PROSER2: variants seen among roughly 807,000 people sequenced by gnomAD.
PROSER2 encodes the protein proline and serine-rich protein 2.
Under a neutral mutation model 14.6 loss-of-function variants are expected in PROSER2, and 18 were observed. The ratio of observed to expected loss-of-function variants is 1.23; its 90% CI spans 0.85 to 1.83. The LOEUF is 1.83. PROSER2 is among the 40% of genes most tolerant of loss of function. The pLI is 0.00. For missense variants in PROSER2, 823 were observed against 629.8 expected, an observed-to-expected ratio of 1.31 and a Z score of -3.28; for synonymous variants, 367 against 286.4, an observed-to-expected ratio of 1.28 and a Z score of -2.84.
rs1206641225 is a variant in PROSER2, at chr10:11,862,039, G to C, written c.139-4492G>C. ...ACAGACTGACAGGCCCAGCGCCTGA[G>C]AGTTTCTAATGCGGCAGGTCTGGGA... On this transcript the variant is annotated intron_variant, in intron 2 of 3. Coordinates refer to ENST00000277570, the MANE Select transcript of PROSER2 (RefSeq NM_153256.4). This position sits in a 1 kb window ranked among gnomAD's most constrained non-coding sequence, Gnocchi z 4.2. Among the ~76,000 whole-genome samples the C allele has an allele frequency of 6.6e-6, 1 of 152,222 alleles. No individual in the cohort carries two copies. The highest frequency in any genetic ancestry group is 1.5e-5 in the Non-Finnish European group (1 of 68,038).
At chr10:11,829,278 A>C (rs1253692185) in intron 1 of PROSER2, among the ~76,000 whole-genome samples, 1 of 151,712 alleles carries the variant, frequency 6.6e-6, no homozygotes, top group Non-Finnish European at 1.5e-5. Flanking sequence ...TAGGTTCAAA[A>C]AAAAGTTTTT....
rs185980025 is a variant in PROSER2, at chr10:11,849,359, C to A, written c.-81-2638C>A. 1.2e-4 allele frequency among the ~76,000 whole-genome samples: 19 copies of A among 152,306 alleles called. No individual in the cohort carries two copies. In the East Asian group the frequency reaches 3.7e-3, roughly 29 times the overall value. ...TTGTGGAACTCCTTAAAAACACGCACACTCCCAGCCTTTACCCCCATAAAT... is the reference window on the plus strand; with the variant it reads ...TTGTGGAACTCCTTAAAAACACGCAAACTCCCAGCCTTTACCCCCATAAAT... On this transcript the variant is annotated intron_variant, in intron 1 of 3. Coordinates refer to ENST00000277570, the MANE Select transcript of PROSER2 (RefSeq NM_153256.4).
chr10:11,855,816 A>G (rs1014671821), intron 2 of PROSER2, among the ~76,000 whole-genome samples: 19 of 152,224 alleles, frequency 1.2e-4, no homozygotes, highest in African/African-American at 4.6e-4. Context: ...TTAAAGTTAA[A>G]ATAGCCACTT....
chr10:11,823,950 C>T lies in PROSER2; in HGVS notation c.-82+480C>T, dbSNP rs1762586697. On this transcript the variant is annotated intron_variant, in intron 1 of 3. Transcript: ENST00000277570. This position sits in a 1 kb window ranked among gnomAD's most constrained non-coding sequence, Gnocchi z 6.2. Reference sequence around the variant, plus strand: ...CGGGCCCCCAGGTCCTGGAATCACGCGGGGATGTGCAGGGTCTGCCCAGCC... The same window carrying T: ...CGGGCCCCCAGGTCCTGGAATCACGTGGGGATGTGCAGGGTCTGCCCAGCC... 6.6e-6 allele frequency among the ~76,000 whole-genome samples: 1 copy of T among 152,096 alleles called. No individual in the cohort carries two copies. Among genetic ancestry groups the T allele is most frequent in the Non-Finnish European group, 1.5e-5 (1 of 67,996 alleles).
chr10:11,828,574 G>A (rs1398243864), intron 1 of PROSER2, among the ~76,000 whole-genome samples: 2 of 152,050 alleles, frequency 1.3e-5, no homozygotes, highest in Non-Finnish European at 1.5e-5. Context: ...ATGGTGGTGT[G>A]TGCCTGTAAT....
In PROSER2 at chr10:11,869,698, G is replaced by C; in HGVS notation, c.600G>C (p.Lys200Asn). 6.3e-7 allele frequency: 1 copy of C among 1,597,618 alleles called. No individual in the cohort carries two copies. Among genetic ancestry groups the C allele is most frequent in the African/African-American group, 1.3e-5 (1 of 74,616 alleles). ...SVPTPLVMAQKISERMAGNEA... is the reference protein window; with the variant it reads ...SVPTPLVMAQNISERMAGNEA... ...CCACGCCCCTCGTTATGGCGCAGAA[G>C]ATTTCCGAGAGGATGGCGGGGAACG... is the stretch of plus-strand genomic sequence containing the variant. The change falls in exon 4 of 4, where the codon AAG becomes AAC. Residue 200 changes from lysine to asparagine, a missense_variant. Transcript: ENST00000277570. This position sits in a 1 kb window ranked among gnomAD's most constrained non-coding sequence, Gnocchi z 4.4.
At chr10:11,854,718 C>T (rs1047421944) in intron 2 of PROSER2, among the ~76,000 whole-genome samples, 10 of 151,998 alleles carry the variant, frequency 6.6e-5, no homozygotes, top group Non-Finnish European at 1.3e-4. Flanking sequence ...TCACCATCCC[C>T]GACTAATTTT....
In PROSER2 at chr10:11,871,673, TC is replaced by T. The variant is rs1834492230; in HGVS notation, c.*1268del. 1 of 152,178 alleles carries T rather than the reference TC, an allele frequency of 6.6e-6. No individual in the cohort carries two copies. Among genetic ancestry groups the T allele is most frequent in the Non-Finnish European group, 1.5e-5 (1 of 68,032 alleles). The allele number at this position is 152,178 out of a possible 1,614,324, so 9.4% of individuals were successfully genotyped here. The stretch of plus-strand genomic sequence containing the variant: ...CTGAGTTATGCCACAAGCGTTATCA[TC>T]AAAACTATTTAAGGCTGGAGTCTTA... On this transcript the variant is annotated 3_prime_UTR_variant, in exon 4 of 4. Transcript: ENST00000277570.
At chr10:11,825,583 G>T (rs1833600279) in intron 1 of PROSER2, among the ~76,000 whole-genome samples, 1 of 152,210 alleles carries the variant, frequency 6.6e-6, no homozygotes, top group African/African-American at 2.4e-5. Context: ...TCCAGCCAGT[G>T]GCATCAACAG....
chr10:11,832,198 C>T (rs1243391555), intron 1 of PROSER2, among the ~76,000 whole-genome samples: 3 of 152,128 alleles, frequency 2.0e-5, no homozygotes, highest in Non-Finnish European at 4.4e-5. Flanking sequence ...ATCAATGTTT[C>T]AAACTCCAGA....
In PROSER2 at chr10:11,869,785, CGCCCGGGGGCCCCGCAGTGGAGACCCTG is replaced by C. The variant is rs1370801563; in HGVS notation, c.696_723del (p.Arg234AlafsTer110). On this transcript the variant is annotated frameshift_variant, in exon 4 of 4. Coordinates refer to ENST00000277570, the MANE Select transcript of PROSER2 (RefSeq NM_153256.4). LOFTEE classifies it low-confidence loss of function (END_TRUNC). This position sits in a 1 kb window ranked among gnomAD's most constrained non-coding sequence, Gnocchi z 4.4. Reference sequence around the variant, plus strand: ...GGCCCGGGGAGTGGAGGACACCTGCCGCCCGGGGGCCCCGCAGTGGAGACCCTGGCCCGGGGCCCAGCCACCCGGCGCA... The same window carrying C: ...GGCCCGGGGAGTGGAGGACACCTGCCGCCCGGGGCCCAGCCACCCGGCGCA... 1.9e-6 allele frequency: 3 copies of C among 1,555,536 alleles called. No homozygotes were observed. Among genetic ancestry groups the C allele is most frequent in the South Asian group, 2.4e-5 (2 of 82,624 alleles).
At position 11,871,274 on chromosome 10, in the gene PROSER2, G is replaced by A. The variant is rs1834484814; in HGVS notation, c.*868G>A. 2 of 152,178 alleles carry A rather than the reference G, an allele frequency of 1.3e-5. No individual in the cohort carries two copies. The highest frequency in any genetic ancestry group is 2.1e-4 in the South Asian group (1 of 4,828). The allele number at this position is 152,178 out of a possible 1,614,324, so 9.4% of individuals were successfully genotyped here. A position where few individuals can be genotyped will look rare whatever the true frequency, so the allele number is the denominator to read the frequency against. On this transcript the variant is annotated 3_prime_UTR_variant, in exon 4 of 4. Coordinates refer to ENST00000277570, the MANE Select transcript of PROSER2 (RefSeq NM_153256.4). ...GACAGAGCCACCTCAGCATCCTGAT[G>A]GATGATACAAGAAATTGTTACTTCC...
intron 1 of PROSER2, among the ~76,000 whole-genome samples, chr10:11,827,345 C>T (rs529832676): frequency 7.5e-6 from 1 of 133,364 alleles, no homozygotes; most frequent in Non-Finnish European, 1.8e-5. Context: ...GCTGAGAACT[C>T]GATTCTCTTT....
At chr10:11,828,552 A>C (rs1833646510) in intron 1 of PROSER2, among the ~76,000 whole-genome samples, 1 of 151,974 alleles carries the variant, frequency 6.6e-6, no homozygotes, top group Admixed American at 6.6e-5. Context: ...AAATACAAAA[A>C]ATTAGCTTGG....
At chr10:11,826,716 C>T (rs963650619) in intron 1 of PROSER2, among the ~76,000 whole-genome samples, 1 of 151,924 alleles carries the variant, frequency 6.6e-6, no homozygotes, top group Non-Finnish European at 1.5e-5. Context: ...TAGCTGGGAC[C>T]ACAGATGCCG....
chr10:11,848,784 C>T (rs1833966002), intron 1 of PROSER2, among the ~76,000 whole-genome samples: 1 of 152,206 alleles, frequency 6.6e-6, no homozygotes, highest in South Asian at 2.1e-4. Flanking sequence ...ACTGCTTTAT[C>T]CTGCGCACTT....
Position 11,866,671 on chromosome 10 carries a change from T to C in PROSER2, c.279T>C (p.Ser93=), listed in dbSNP as rs910455014. 8 of 1,614,036 alleles carry C rather than the reference T, an allele frequency of 5.0e-6. No homozygotes were observed. Among genetic ancestry groups the C allele is most frequent in the Non-Finnish European group, 6.8e-6 (8 of 1,180,038 alleles). The change falls in exon 3 of 4, where the codon TCT becomes TCC. Residue 93 remains serine (S), a synonymous_variant. Coordinates refer to ENST00000277570, the MANE Select transcript of PROSER2 (RefSeq NM_153256.4). This position sits in a 1 kb window ranked among gnomAD's most constrained non-coding sequence, Gnocchi z 6.0. ...DGGVCCLCSP[S]LEESTSSPSE... ...GAGTGTGCTGCCTCTGCTCCCCGTC[T>C]CTGGAGGAGAGCACCTCCAGTCCCT...
At chr10:11,852,359 C>A in intron 2 of PROSER2, 144 bp downstream of exon 2, 1 of 932,512 alleles carries the variant, frequency 1.1e-6, no homozygotes, top group Non-Finnish European at 1.5e-6. Flanking sequence ...TGAAGTGGTT[C>A]TTTATTTTTA....
chr10:11,866,699 G>A lies in PROSER2; in HGVS notation c.307G>A (p.Glu103Lys), dbSNP rs138741800. 168 of 1,613,942 alleles carry A rather than the reference G, an allele frequency of 1.0e-4. 1 individual carries two copies. Among genetic ancestry groups the A allele is most frequent in the South Asian group, 6.6e-4 (60 of 91,078 alleles). Residue 103 changes from glutamate (E) to lysine (K), a missense_variant, in exon 3 of 4, where the codon GAG becomes AAG. Glu to Lys is a moderately conservative substitution (Grantham distance 56). Coordinates refer to ENST00000277570, the MANE Select transcript of PROSER2 (RefSeq NM_153256.4). The surrounding 1 kb of genome is among the most constrained non-coding windows in gnomAD (Gnocchi z 6.0). ...SLEESTSSPSEPEDVIDLVQP... is the reference protein window; with the variant it reads ...SLEESTSSPSKPEDVIDLVQP... Reference sequence around the variant, plus strand: ...GGAGGAGAGCACCTCCAGTCCCTCCGAGCCTGAAGATGTCATCGACTTAGT... The same window carrying A: ...GGAGGAGAGCACCTCCAGTCCCTCCAAGCCTGAAGATGTCATCGACTTAGT...
Sources: gnomAD v4.1 joint callset for allele counts (sites outside exome capture counted in the v4.1 genomes callset) on GRCh38, gnomAD v4.1.1 for gene constraint, Gnocchi (gnomAD v3.1) non-coding constraint, MANE v1.5 for transcripts, NCBI Gene and HGNC (gene_info 2026-07-23, HGNC 2026-07-21) for gene names.